The following ANO2 variants were observed in gnomAD, a reference collection of about 807,000 sequenced individuals.
ANO2 encodes the protein anoctamin-2.
In ANO2, 101 loss-of-function variants were observed where a neutral mutation model predicts 124.2. The ratio of observed to expected loss-of-function variants is 0.81; its 90% CI spans 0.69 to 0.96. The LOEUF (loss-of-function observed/expected upper bound fraction) is 0.96, where lower values mean the gene tolerates loss of function less well. Ranked by LOEUF, ANO2 falls within the 40% of genes least tolerant of loss-of-function variation. The probability of loss-of-function intolerance (pLI) is 0.00; values close to 1 mark genes in which losing one functional copy is unlikely to be tolerated. For synonymous variants in ANO2, 486 were observed against 482.5 expected (o/e 1.01, Z -0.09); for missense variants, 1,293 against 1,274.5 (o/e 1.01, Z -0.22).
intron 1 of ANO2, among the ~76,000 whole-genome samples, chr12:5,941,468 G>A (rs1942891753): frequency 6.6e-6 from 1 of 151,938 alleles, no homozygotes; most frequent in Admixed American, 6.6e-5. Context: ...TCAGAAACTA[G>A]TAGGGCGATA....
At position 5,780,987 on chromosome 12, in the gene ANO2, T is replaced by A. The variant is rs532145195; in HGVS notation, c.1055+18520A>T. Among the ~76,000 whole-genome samples the A allele has an allele frequency of 5.3e-5, 8 of 152,338 alleles. No homozygotes were observed. The East Asian group carries it at 1.5e-3, about 29-fold the overall frequency. On this transcript the variant is annotated intron_variant, in intron 10 of 24. Transcript: ENST00000682330. ...CCATCTAGGAAAATGTTACAATGTG[T>A]AAAATTTTCTTTCAACTATTTCATC...
intron 14 of ANO2, among the ~76,000 whole-genome samples, chr12:5,648,110 T>C (rs1181835956): frequency 1.3e-5 from 2 of 152,220 alleles, no homozygotes; most frequent in African/African-American, 4.8e-5. Flanking sequence ...TTAACATTTC[T>C]GACATTTATT....
chr12:5,863,860 AAT>A (rs1247660655), intron 3 of ANO2, among the ~76,000 whole-genome samples: 3 of 152,204 alleles, frequency 2.0e-5, no homozygotes, highest in Non-Finnish European at 4.4e-5. Flanking sequence ...TTTACTTAAC[AAT>A]ATGTTATATA....
Position 5,592,583 on chromosome 12 carries a change from G to A in ANO2, c.2233+6901C>T, listed in dbSNP as rs533461293. 3.3e-5 allele frequency among the ~76,000 whole-genome samples: 5 copies of A among 152,276 alleles called. No homozygotes were observed. The East Asian group carries it at 7.7e-4, about 24-fold the overall frequency. ...CTTTATCTGAAAAGAAGTCTGTAGC[G>A]TTGAAGGATTTTAAGTAGAAAAATG... On this transcript the variant is annotated intron_variant, in intron 20 of 24. Transcript: ENST00000682330.
intron 16 of ANO2, among the ~76,000 whole-genome samples, chr12:5,622,854 C>T (rs1348105575): frequency 6.6e-6 from 1 of 151,808 alleles, no homozygotes; most frequent in East Asian, 1.9e-4. Context: ...ATCCCAGCTA[C>T]TCGGGAGGCT....
At chr12:5,784,072 T>A (rs1298461717) in intron 10 of ANO2, among the ~76,000 whole-genome samples, 1 of 152,146 alleles carries the variant, frequency 6.6e-6, no homozygotes, top group African/African-American at 2.4e-5. Context: ...TCATGCACAC[T>A]CTTCATTCCA....
chr12:5,621,335 A>G (rs1945108676), intron 16 of ANO2, among the ~76,000 whole-genome samples: 1 of 152,224 alleles, frequency 6.6e-6, no homozygotes, highest in Non-Finnish European at 1.5e-5. Context: ...ATGAAAAAAA[A>G]TTTTGTCCCA....
intron 14 of ANO2, among the ~76,000 whole-genome samples, chr12:5,662,427 A>G (rs1947492923): frequency 6.6e-6 from 1 of 152,236 alleles, no homozygotes; most frequent in Non-Finnish European, 1.5e-5. Flanking sequence ...TTTTTATTTA[A>G]AGATTGTGCC....
chr12:5,736,724 G>A (rs140766013), intron 13 of ANO2, among the ~76,000 whole-genome samples: 27 of 152,216 alleles, frequency 1.8e-4, no homozygotes, highest in Non-Finnish European at 3.5e-4. Flanking sequence ...TCCCTGACCC[G>A]GTCACCAGAC....
intron 16 of ANO2, among the ~76,000 whole-genome samples, chr12:5,628,230 C>T (rs1029995544): frequency 6.6e-6 from 1 of 152,194 alleles, no homozygotes; most frequent in Admixed American, 6.5e-5. Context: ...GCATGTGGGA[C>T]AGGCGGCTGC....
chr12:5,760,002 A>T (rs760227562), intron 10 of ANO2, among the ~76,000 whole-genome samples: 2 of 152,210 alleles, frequency 1.3e-5, no homozygotes, highest in Non-Finnish European at 2.9e-5. Flanking sequence ...TGGTGAAAAC[A>T]ATGACAAGTA....
At position 5,568,702 on chromosome 12, in the gene ANO2, T is replaced by C. The variant is rs570871146; in HGVS notation, c.2622-3039A>G. ...AGAGAGTGGCTAATCAACCGAATAATTTCCACCACCGTGATGCTGCGTGTT... is the reference window on the plus strand; with the variant it reads ...AGAGAGTGGCTAATCAACCGAATAACTTCCACCACCGTGATGCTGCGTGTT... On this transcript the variant is annotated intron_variant, in intron 23 of 24. Transcript: ENST00000682330. 1.1e-3 allele frequency among the ~76,000 whole-genome samples: 171 copies of C among 152,278 alleles called. 2 individuals are homozygous for C. The highest frequency in any genetic ancestry group is 4.0e-3 in the African/African-American group (166 of 41,580).
chr12:5,818,425 G>A (rs1953675981), intron 7 of ANO2, among the ~76,000 whole-genome samples: 1 of 138,610 alleles, frequency 7.2e-6, no homozygotes. Flanking sequence ...GATCATGTGA[G>A]TTAATACTTA....
At chr12:5,577,144 C>T (rs181633866) in intron 22 of ANO2, among the ~76,000 whole-genome samples, 203 of 152,364 alleles carry the variant, frequency 1.3e-3, no homozygotes, top group Middle Eastern at 6.8e-3. Flanking sequence ...TTCTAAGCCT[C>T]GAGATGTGCA....
intron 15 of ANO2, among the ~76,000 whole-genome samples, chr12:5,642,098 C>A (rs1946418108): frequency 1.3e-5 from 2 of 152,152 alleles, no homozygotes; most frequent in African/African-American, 4.8e-5. Flanking sequence ...GCATCTAATA[C>A]AATTGATTGT....
At chr12:5,796,631 C>A (rs1952869921) in intron 10 of ANO2, among the ~76,000 whole-genome samples, 1 of 152,174 alleles carries the variant, frequency 6.6e-6, no homozygotes, top group Non-Finnish European at 1.5e-5. Context: ...GGGAGGAGAG[C>A]CGTGCGGGGC....
chr12:5,755,926 T>C (rs888237438), intron 10 of ANO2, among the ~76,000 whole-genome samples: 2 of 152,200 alleles, frequency 1.3e-5, no homozygotes, highest in African/African-American at 4.8e-5. Flanking sequence ...TTAGCAATTA[T>C]TCCCTTAATA....
intron 22 of ANO2, among the ~76,000 whole-genome samples, chr12:5,577,504 C>T (rs993488287): frequency 1.3e-5 from 2 of 152,244 alleles, no homozygotes; most frequent in Non-Finnish European, 2.9e-5. Flanking sequence ...TTAACCTACG[C>T]AGTGCCAGAG....
intron 4 of ANO2, among the ~76,000 whole-genome samples, chr12:5,850,492 C>T (rs1389600630): frequency 6.7e-6 from 1 of 149,418 alleles, no homozygotes; most frequent in African/African-American, 2.6e-5. Flanking sequence ...AACAGTCCCC[C>T]TGAGTCGAGT....
Sources: allele counts gnomAD v4.1 joint callset (sites outside exome capture counted in the v4.1 genomes callset), GRCh38; gene constraint gnomAD v4.1.1; transcripts MANE v1.5; gene names NCBI Gene and HGNC (gene_info 2026-07-23, HGNC 2026-07-21).